The following MACROH2A2 variants were observed in gnomAD, a reference collection of about 807,000 sequenced individuals.
MACROH2A2 encodes the protein macroH2A.2 histone.
Under a neutral mutation model 37.6 loss-of-function variants are expected in MACROH2A2, and 6 were observed. The observed-to-expected ratio is 0.16, with a 90% CI of 0.09 to 0.32. MACROH2A2 has a LOEUF of 0.32. Ranked by LOEUF, MACROH2A2 falls within the 10% of genes least tolerant of loss-of-function variation. MACROH2A2 has a pLI of 1.00. For synonymous variants in MACROH2A2, 192 were observed against 202.7 expected (o/e 0.95, Z 0.45); for missense variants, 290 against 485.9 (o/e 0.60, Z 3.79).
chr10:70,082,783 A>G (rs1322087982), intron 2 of MACROH2A2, among the ~76,000 whole-genome samples: 1 of 152,156 alleles, frequency 6.6e-6, no homozygotes, highest in African/African-American at 2.4e-5. Context: ...CAGAAAGTAG[A>G]ATAGAGGTTA....
intron 2 of MACROH2A2, among the ~76,000 whole-genome samples, chr10:70,085,170 T>A (rs573851215): frequency 6.6e-6 from 1 of 152,184 alleles, no homozygotes; most frequent in Middle Eastern, 3.4e-3. Flanking sequence ...AGATCTCTGG[T>A]AGGAGCCATG....
At chr10:70,100,165 T>G in intron 6 of MACROH2A2, 43 bp from the exon 7 acceptor site, 1 of 1,044,160 alleles carries the variant, frequency 9.6e-7, no homozygotes. Flanking sequence ...GTAATTAGAT[T>G]GAAAGAACAA....
intron 1 of MACROH2A2, among the ~76,000 whole-genome samples, chr10:70,058,388 C>T (rs1288090202): frequency 8.5e-5 from 13 of 152,200 alleles, no homozygotes; most frequent in Non-Finnish European, 2.9e-5. Flanking sequence ...CAGACATTTA[C>T]TCCAACTGAT....
intron 1 of MACROH2A2, among the ~76,000 whole-genome samples, chr10:70,070,985 C>G (rs113324980): frequency 0.03 from 4,452 of 147,210 alleles, 229 homozygotes; most frequent in African/African-American, 0.11. Context: ...GTGTGTGTGT[C>G]TGTGTGCATG....
chr10:70,077,122 C>T (rs1245526706), intron 2 of MACROH2A2, among the ~76,000 whole-genome samples: 1 of 152,178 alleles, frequency 6.6e-6, no homozygotes, highest in African/African-American at 2.4e-5. Context: ...ACGCAGGGAT[C>T]TTGTTGACAA....
intron 2 of MACROH2A2, among the ~76,000 whole-genome samples, chr10:70,082,716 C>G (rs2072187343): frequency 6.6e-6 from 1 of 152,016 alleles, no homozygotes; most frequent in Non-Finnish European, 1.5e-5. Context: ...TCATATTGTT[C>G]CATTTATATG....
intron 7 of MACROH2A2, 120 bp from the exon 8 acceptor site, chr10:70,108,913 G>C: frequency 1.8e-5 from 15 of 851,190 alleles, no homozygotes; most frequent in Non-Finnish European, 2.5e-5. Context: ...ACAGGATGCT[G>C]CCCAGCCAAC....
chr10:70,056,717 C>T (rs1354288906), intron 1 of MACROH2A2, among the ~76,000 whole-genome samples: 1 of 152,088 alleles, frequency 6.6e-6, no homozygotes, highest in African/African-American at 2.4e-5. Flanking sequence ...ATGCTGTGTT[C>T]CAGCTAGTCC....
chr10:70,067,396 A>G (rs1357140813), intron 1 of MACROH2A2, among the ~76,000 whole-genome samples: 1 of 152,212 alleles, frequency 6.6e-6, no homozygotes, highest in East Asian at 1.9e-4. Flanking sequence ...GTTTTCAGAA[A>G]AAAACAATTC....
intron 2 of MACROH2A2, among the ~76,000 whole-genome samples, chr10:70,083,955 G>A (rs578000136): frequency 4.0e-4 from 61 of 151,996 alleles, no homozygotes; most frequent in African/African-American, 1.3e-3. Flanking sequence ...CGTTTTGTAT[G>A]TGCTGACAGT....
At chr10:70,069,028 A>G (rs973282516) in intron 1 of MACROH2A2, among the ~76,000 whole-genome samples, 22 of 152,242 alleles carry the variant, frequency 1.4e-4, no homozygotes, top group Non-Finnish European at 1.5e-4. Flanking sequence ...AGACAGTAAA[A>G]TGTTAAAAAA....
chr10:70,091,749 C>G lies in MACROH2A2; in HGVS notation c.280-8C>G, dbSNP rs370938228. 1 of 1,607,004 alleles carries G rather than the reference C, an allele frequency of 6.2e-7. No individual in the cohort carries two copies. The highest frequency in any genetic ancestry group is 8.5e-7 in the Non-Finnish European group (1 of 1,174,166). ...TTGCTACATGAGCGCATGCATTTCT[C>G]TCTTCAGCTGCTAAAAGGAGTGACC... On this transcript the variant is annotated splice_polypyrimidine_tract_variant and splice_region_variant and intron_variant, in intron 3 of 8. Coordinates refer to ENST00000373255, the MANE Select transcript of MACROH2A2 (RefSeq NM_018649.3).
chr10:70,104,629 C>T (rs2136642501), intron 7 of MACROH2A2, among the ~76,000 whole-genome samples: 1 of 152,292 alleles, frequency 6.6e-6, no homozygotes, highest in Non-Finnish European at 1.5e-5. Flanking sequence ...GAGCCGAGAT[C>T]ACGCTATTGC....
At chr10:70,093,295 T>C (rs1392521612) in intron 4 of MACROH2A2, among the ~76,000 whole-genome samples, 2 of 152,200 alleles carry the variant, frequency 1.3e-5, no homozygotes, top group African/African-American at 4.8e-5. Flanking sequence ...ATTTCCACGA[T>C]CACAGAAAGT....
intron 2 of MACROH2A2, among the ~76,000 whole-genome samples, chr10:70,082,847 A>G (rs1301826995): frequency 1.3e-5 from 2 of 152,224 alleles, no homozygotes; most frequent in African/African-American, 4.8e-5. Context: ...TAATGGGTAC[A>G]GAGTTTCCAT....
Position 70,111,883 on chromosome 10 carries a change from G to T in MACROH2A2, c.*200G>T. The T allele has an allele frequency of 2.5e-6, 1 of 401,904 alleles. No homozygotes were observed. Among genetic ancestry groups the T allele is most frequent in the Non-Finnish European group, 4.4e-6 (1 of 228,300 alleles). The allele number at this position is 401,904 out of a possible 1,614,324, so 24.9% of individuals were successfully genotyped here. On this transcript the variant is annotated 3_prime_UTR_variant, in exon 9 of 9. Coordinates refer to ENST00000373255, the MANE Select transcript of MACROH2A2 (RefSeq NM_018649.3). ...GTAAGGAAGCAGGTCTCCGCGAGGG[G>T]TTTCTTTCCATGTGTTTTCCTCCTG...
At chr10:70,071,362 T>G (rs1303901195) in intron 1 of MACROH2A2, among the ~76,000 whole-genome samples, 1 of 152,124 alleles carries the variant, frequency 6.6e-6, no homozygotes, top group Non-Finnish European at 1.5e-5. Flanking sequence ...TGTAGGCTCT[T>G]AAGTCTTTAG....
intron 1 of MACROH2A2, among the ~76,000 whole-genome samples, chr10:70,073,361 C>T (rs1345109538): frequency 2.0e-5 from 3 of 152,154 alleles, no homozygotes; most frequent in African/African-American, 4.8e-5. Context: ...AGCAGCAGCA[C>T]GGCAAAGGTG....
intron 1 of MACROH2A2, among the ~76,000 whole-genome samples, chr10:70,061,007 G>C (rs563879066): frequency 1.3e-5 from 2 of 151,774 alleles, no homozygotes; most frequent in East Asian, 3.9e-4. Flanking sequence ...AGAAATATTG[G>C]TTTAAAGAAA....
Sources: gnomAD v4.1 joint callset for allele counts (sites outside exome capture counted in the v4.1 genomes callset) on GRCh38, gnomAD v4.1.1 for gene constraint, MANE v1.5 for transcripts, NCBI Gene and HGNC (gene_info 2026-07-23, HGNC 2026-07-21) for gene names.